Variants in USP43 observed in about 807,000 individuals in gnomAD.
USP43 encodes ubiquitin specific peptidase 43.
In USP43, 33 loss-of-function variants were observed where a neutral mutation model predicts 90.7. That is an observed-to-expected ratio of 0.36 (90% confidence interval 0.28 to 0.49). The LOEUF (loss-of-function observed/expected upper bound fraction) is 0.49, where lower values mean the gene tolerates loss of function less well. Ranked by LOEUF, USP43 falls within the 20% of genes least tolerant of loss-of-function variation. The pLI, the probability that USP43 is intolerant of heterozygous loss-of-function variation, is 0.98. For missense variants in USP43, 1,274 were observed against 1,476.4 expected, an observed-to-expected ratio of 0.86 and a Z score of 2.25; for synonymous variants, 598 against 615.8, an observed-to-expected ratio of 0.97 and a Z score of 0.43.
Position 9,682,902 on chromosome 17 carries a change from G to T in USP43, c.1185G>T (p.Glu395Asp), listed in dbSNP as rs756670307. ...GQRFSLSLHS[E>D]SKVLILFCNL... ...GATTCTCCCTCTCTCTCCACAGTGA[G>T]AGCAAGGTGCTAATCCTCTTCTGTA... Residue 395 changes from glutamate to aspartate, a missense_variant, in exon 7 of 15, where the codon GAG (glutamate) becomes GAT (aspartate). Coordinates refer to ENST00000285199, the MANE Select transcript of USP43 (RefSeq NM_153210.5). 6.2e-7 allele frequency: 1 copy of T among 1,614,056 alleles called. No homozygotes were observed. Among genetic ancestry groups the T allele is most frequent in the Non-Finnish European group, 8.5e-7 (1 of 1,179,894 alleles).
At chr17:9,719,539 G>A (rs1052546085) in intron 14 of USP43, among the ~76,000 whole-genome samples, 10 of 152,108 alleles carry the variant, frequency 6.6e-5, no homozygotes, top group African/African-American at 1.7e-4. Context: ...GCAACCAGTC[G>A]CACCTAGTTG....
intron 2 of USP43, among the ~76,000 whole-genome samples, chr17:9,657,378 G>C (rs556717360): frequency 6.6e-6 from 1 of 151,950 alleles, no homozygotes; most frequent in Non-Finnish European, 1.5e-5. Flanking sequence ...GTGGTGGCAT[G>C]CTCCTGTAAT....
intron 14 of USP43, among the ~76,000 whole-genome samples, chr17:9,712,905 G>A (rs146502076): frequency 1.1e-4 from 17 of 152,114 alleles, no homozygotes; most frequent in South Asian, 1.0e-3. Flanking sequence ...TGATACATGC[G>A]TACAATGTGT....
At chr17:9,675,741 C>G (rs1266162918) in intron 4 of USP43, among the ~76,000 whole-genome samples, 3 of 152,202 alleles carry the variant, frequency 2.0e-5, no homozygotes, top group African/African-American at 7.2e-5. Context: ...CCTTTCTGCT[C>G]TAAAATTGTG....
Position 9,728,540 on chromosome 17 carries a change from C to T in USP43, c.2922C>T (p.Phe974=), listed in dbSNP as rs767556510. 1 of 1,613,978 alleles carries T rather than the reference C, an allele frequency of 6.2e-7. No homozygotes were observed. Among genetic ancestry groups the T allele is most frequent in the Non-Finnish European group, 8.5e-7 (1 of 1,179,902 alleles). ...KSSPPSPYMG[F]SGNSKDSRRG... is the part of the protein sequence containing the mutation. ...GCCCACCCTCCCCCTATATGGGATT[C>T]TCTGGAAACAGCAAAGACAGTCGCC... The change falls in exon 15 of 15, where the codon TTC becomes TTT. Residue 974 remains phenylalanine, a synonymous_variant. Coordinates refer to ENST00000285199, the MANE Select transcript of USP43 (RefSeq NM_153210.5). The surrounding 1 kb of genome is among the most constrained non-coding windows in gnomAD (Gnocchi z 6.2).
At chr17:9,659,711 G>A (rs1226487866) in intron 2 of USP43, among the ~76,000 whole-genome samples, 1 of 151,994 alleles carries the variant, frequency 6.6e-6, no homozygotes, top group Non-Finnish European at 1.5e-5. Flanking sequence ...CATTGATTGG[G>A]CTTAAGGGTG....
At chr17:9,680,431 C>T in intron 6 of USP43, 65 bp downstream of exon 6, 12 of 1,580,724 alleles carry the variant, frequency 7.6e-6, no homozygotes, top group Non-Finnish European at 1.0e-5. Flanking sequence ...GAGGATACTC[C>T]TTGGGTGCAA....
intron 7 of USP43, among the ~76,000 whole-genome samples, chr17:9,683,427 A>G: frequency 6.6e-6 from 1 of 151,364 alleles, no homozygotes; most frequent in East Asian, 1.9e-4. Context: ...ACAGAATTAC[A>G]TTAAGATATA....
Position 9,701,833 on chromosome 17 carries a change from A to G in USP43, c.2011+133A>G, listed in dbSNP as rs1478133397. The G allele has an allele frequency of 6.7e-6, 5 of 741,960 alleles. No homozygotes were observed. Among genetic ancestry groups the G allele is most frequent in the Non-Finnish European group, 1.1e-5 (5 of 475,036 alleles). 46.0% of individuals were successfully genotyped at this position (741,960 alleles called of 1,614,324 possible). A position where few individuals can be genotyped will look rare whatever the true frequency, so the allele number is the denominator to read the frequency against. On this transcript the variant is annotated intron_variant, in intron 12 of 14. Coordinates refer to ENST00000285199, the MANE Select transcript of USP43 (RefSeq NM_153210.5). This position sits in a 1 kb window ranked among gnomAD's most constrained non-coding sequence, Gnocchi z 7.2. ...TCCGACCCCTCACCCACCGCACACC[A>G]GGAAGATGAGGATGAGGAAAACAAA... is the stretch of plus-strand genomic sequence containing the variant.
rs1156654427 is a variant in USP43 at position 9,680,219 on chromosome 17, T to C, written c.970-12T>C. 4 of 1,610,532 alleles carry C rather than the reference T, an allele frequency of 2.5e-6. No individual in the cohort carries two copies. The African/African-American group carries it at 4.0e-5, about 16-fold the overall frequency. The stretch of plus-strand genomic sequence containing the variant: ...CAGAAATCAAGAGGGAAAATGATCT[T>C]TCTCATTTCAGGTGATCTTGGTTGA... On this transcript the variant is annotated splice_polypyrimidine_tract_variant and intron_variant, in intron 5 of 14. Transcript: ENST00000285199.
intron 7 of USP43, among the ~76,000 whole-genome samples, chr17:9,684,949 A>G (rs772713643): frequency 1.3e-5 from 2 of 152,106 alleles, no homozygotes; most frequent in Non-Finnish European, 2.9e-5. Flanking sequence ...ACAGTTTGGG[A>G]AGAAAGAGCT....
intron 8 of USP43, among the ~76,000 whole-genome samples, chr17:9,691,207 C>A (rs1914930760): frequency 6.6e-6 from 1 of 151,668 alleles, no homozygotes; most frequent in Non-Finnish European, 1.5e-5. Context: ...CTCCACCTCC[C>A]AGATTCAACT....
rs1268645956 is a variant in USP43 at position 9,645,686 on chromosome 17, C to G, written c.54C>G (p.Pro18=). 1 of 1,283,780 alleles carries G rather than the reference C, an allele frequency of 7.8e-7. No individual in the cohort carries two copies. The highest frequency in any genetic ancestry group is 1.6e-5 in the African/African-American group (1 of 64,284). The allele number at this position is 1,283,780 out of a possible 1,614,324, so 79.5% of individuals were successfully genotyped here. ...AAGGGPLAPR[P]RRRRSLRRLF... ...GAGGGGGACCGCTCGCGCCCCGGCC[C>G]CGCCGCCGCCGCTCCCTGCGCCGCC... The change falls in exon 1 of 15, where the codon CCC becomes CCG. Residue 18 remains proline, a synonymous_variant. Coordinates refer to ENST00000285199, the MANE Select transcript of USP43 (RefSeq NM_153210.5). This position sits in a 1 kb window ranked among gnomAD's most constrained non-coding sequence, Gnocchi z 6.8.
At chr17:9,650,065 C>T (rs971114825) in intron 1 of USP43, among the ~76,000 whole-genome samples, 1 of 152,164 alleles carries the variant, frequency 6.6e-6, no homozygotes, top group Non-Finnish European at 1.5e-5. Context: ...TTCTTCACCA[C>T]TCTTACGTTT....
intron 14 of USP43, among the ~76,000 whole-genome samples, chr17:9,724,443 G>T (rs1327792749): frequency 2.0e-5 from 3 of 152,184 alleles, no homozygotes; most frequent in Admixed American, 6.5e-5. Flanking sequence ...ACTTTGAGAG[G>T]TCGAGGCGGG....
At chr17:9,727,410 T>C (rs1917330000) in intron 14 of USP43, among the ~76,000 whole-genome samples, 1 of 152,234 alleles carries the variant, frequency 6.6e-6, no homozygotes. Context: ...TGTTTTCACA[T>C]GCATGCATAA....
At chr17:9,662,036 C>T (rs1017297212) in intron 2 of USP43, among the ~76,000 whole-genome samples, 1 of 152,152 alleles carries the variant, frequency 6.6e-6, no homozygotes, top group Admixed American at 6.5e-5. Context: ...GGTATCTCAG[C>T]AGCAGGAACT....
In USP43 at chr17:9,668,085, A is replaced by G. The variant is rs189615350; in HGVS notation, c.740+1334A>G. Among the ~76,000 whole-genome samples the G allele has an allele frequency of 8.8e-4, 134 of 152,332 alleles. 1 individual carries two copies. Among genetic ancestry groups the G allele is most frequent in the African/African-American group, 3.2e-3 (131 of 41,572 alleles). On this transcript the variant is annotated intron_variant, in intron 3 of 14. Transcript: ENST00000285199. ...TTCTCTGCTGCTCCTTCAATTTCAC[A>G]GGAACTCTGTTCTCTATTATGGATA... is the stretch of plus-strand genomic sequence containing the variant.
rs2151957544 is a variant in USP43, at chr17:9,645,782, G to A, written c.150G>A (p.Pro50=). ...GGGACTCACCGCCCCGGCCCCAGCCGGGACACTGTGATGGCGACGGTGAGG... is the reference window on the plus strand; with the variant it reads ...GGGACTCACCGCCCCGGCCCCAGCCAGGACACTGTGATGGCGACGGTGAGG... ...RPGDSPPRPQ[P]GHCDGDGEGG... is the part of the protein sequence containing the mutation. The change falls in exon 1 of 15, where the codon CCG becomes CCA. Residue 50 remains proline (P), a synonymous_variant. Coordinates refer to ENST00000285199, the MANE Select transcript of USP43 (RefSeq NM_153210.5). This position sits in a 1 kb window ranked among gnomAD's most constrained non-coding sequence, Gnocchi z 6.8. 2.2e-6 allele frequency: 3 copies of A among 1,392,716 alleles called. No homozygotes were observed. Among genetic ancestry groups the A allele is most frequent in the Admixed American group, 3.7e-5 (1 of 26,948 alleles). The allele number at this position is 1,392,716 out of a possible 1,614,324, so 86.3% of individuals were successfully genotyped here. A position where few individuals can be genotyped will look rare whatever the true frequency, so the allele number is the denominator to read the frequency against.
Sources: allele counts gnomAD v4.1 joint callset (sites outside exome capture counted in the v4.1 genomes callset), GRCh38; gene constraint gnomAD v4.1.1; non-coding constraint Gnocchi (gnomAD v3.1); transcripts MANE v1.5; gene names NCBI Gene and HGNC (gene_info 2026-07-23, HGNC 2026-07-21).